Variants in AP1G1 observed in about 807,000 individuals in gnomAD.
AP1G1 encodes adaptor related protein complex 1 subunit gamma 1, also known as AP-1 complex subunit gamma-1.
In AP1G1, 7 loss-of-function variants were observed where a neutral mutation model predicts 108.3. The ratio of observed to expected loss-of-function variants is 0.06; its 90% CI spans 0.04 to 0.12. The LOEUF is 0.12. Ranked by LOEUF, AP1G1 falls within the 10% of genes least tolerant of loss-of-function variation. The probability of loss-of-function intolerance (pLI) is 1.00; values close to 1 mark genes in which losing one functional copy is unlikely to be tolerated. For missense variants in AP1G1, 756 were observed against 1,010.7 expected (o/e 0.75, Z 3.42); for synonymous variants, 379 against 353.5 (o/e 1.07, Z -0.81).
In AP1G1 at chr16:71,803,571, A is replaced by G. The variant is rs528764784; in HGVS notation, c.-4+5192T>C. Reference sequence around the variant, plus strand: ...TTTAACCAGTTTTTCCAGCAACCAAAACTCATGCCATATTAAGTGTATTGT... The same window carrying G: ...TTTAACCAGTTTTTCCAGCAACCAAGACTCATGCCATATTAAGTGTATTGT... On this transcript the variant is annotated intron_variant, in intron 1 of 22. Coordinates refer to ENST00000299980, the MANE Select transcript of AP1G1 (RefSeq NM_001128.6). 1.8e-4 allele frequency among the ~76,000 whole-genome samples: 28 copies of G among 152,258 alleles called. No homozygotes were observed. The South Asian group carries it at 5.8e-3, about 32-fold the overall frequency.
intron 13 of AP1G1, among the ~76,000 whole-genome samples, chr16:71,750,707 C>A (rs1382347984): frequency 2.6e-5 from 4 of 151,880 alleles, no homozygotes; most frequent in African/African-American, 9.7e-5. Flanking sequence ...TGTGCCACTG[C>A]GCCCAGCCAT....
intron 1 of AP1G1, among the ~76,000 whole-genome samples, chr16:71,795,159 C>G (rs2032542383): frequency 6.6e-6 from 1 of 152,038 alleles, no homozygotes; most frequent in Non-Finnish European, 1.5e-5. Flanking sequence ...ACTCACACTG[C>G]CCACTGTGCA....
intron 2 of AP1G1, among the ~76,000 whole-genome samples, chr16:71,787,850 ATAT>A (rs1002579468): frequency 6.6e-6 from 1 of 152,212 alleles, no homozygotes; most frequent in Non-Finnish European, 1.5e-5. Context: ...TTCAAAGAAC[ATAT>A]TATATTTTTA....
intron 2 of AP1G1, among the ~76,000 whole-genome samples, chr16:71,784,932 G>A (rs549942783): frequency 2.6e-4 from 38 of 148,318 alleles, no homozygotes; most frequent in Non-Finnish European, 3.1e-4. Context: ...TTTCTATGTA[G>A]CTTGTGTTTT....
intron 20 of AP1G1, 31 bp from the exon 21 acceptor site, chr16:71,739,133 G>A (rs755676125): frequency 1.2e-6 from 2 of 1,613,400 alleles, no homozygotes; most frequent in East Asian, 4.5e-5. Flanking sequence ...AAGTCTTATT[G>A]TAGTCAGCCT....
chr16:71,745,062 G>T, intron 19 of AP1G1, 82 bp downstream of exon 19: 2 of 1,489,444 alleles, frequency 1.3e-6, no homozygotes, highest in Non-Finnish European at 9.2e-7. Context: ...TGATTCACGT[G>T]CTGGAAAGTC....
Position 71,731,701 on chromosome 16 carries a change from T to C in AP1G1, c.*1357A>G, listed in dbSNP as rs2045476598. 6.6e-6 allele frequency: 1 copy of C among 152,568 alleles called. No homozygotes were observed. Among genetic ancestry groups the C allele is most frequent in the South Asian group, 2.1e-4 (1 of 4,828 alleles). 9.5% of individuals were successfully genotyped at this position (152,568 alleles called of 1,614,324 possible). On this transcript the variant is annotated 3_prime_UTR_variant, in exon 23 of 23. Transcript: ENST00000299980. ...AAAAAGCACTTGGCACTCTCACTAG[T>C]TTAAAAAGCTCAAGTCTTTGATGTG...
Position 71,732,980 on chromosome 16 carries a change from G to A in AP1G1, c.*78C>T. 3 of 1,153,982 alleles carry A rather than the reference G, an allele frequency of 2.6e-6. No homozygotes were observed. Among genetic ancestry groups the A allele is most frequent in the Admixed American group, 3.9e-5 (2 of 51,144 alleles). 71.5% of individuals were successfully genotyped at this position (1,153,982 alleles called of 1,614,324 possible). Reference sequence around the variant, plus strand: ...TCATGCCCGTGGTACAGTTGGGGGGGACTTGCCAGCAATCACAACCTCCTT... The same window carrying A: ...TCATGCCCGTGGTACAGTTGGGGGGAACTTGCCAGCAATCACAACCTCCTT... On this transcript the variant is annotated 3_prime_UTR_variant, in exon 23 of 23. Transcript: ENST00000299980.
intron 4 of AP1G1, among the ~76,000 whole-genome samples, chr16:71,771,878 C>G (rs925204541): frequency 1.3e-5 from 2 of 152,136 alleles, no homozygotes; most frequent in African/African-American, 4.8e-5. Context: ...ATGTGGCCCT[C>G]AAATGACTCT....
At chr16:71,750,970 C>T (rs879122570) in intron 13 of AP1G1, among the ~76,000 whole-genome samples, 1 of 151,356 alleles carries the variant, frequency 6.6e-6, no homozygotes, top group African/African-American at 2.4e-5. Context: ...TCCTGGCTAA[C>T]ACGATGAAAC....
intron 6 of AP1G1, among the ~76,000 whole-genome samples, chr16:71,768,917 C>CAAAAAAA (rs58725744): frequency 4.7e-5 from 2 of 42,162 alleles, no homozygotes; most frequent in Non-Finnish European, 7.8e-5. Context: ...GACTCTGTCT[C>CAAAAAAA]AAAAAAAAAA....
In AP1G1 at chr16:71,729,159, A is replaced by AT. The variant is rs201592122; in HGVS notation, c.*3898dup. On this transcript the variant is annotated 3_prime_UTR_variant, in exon 23 of 23. Coordinates refer to ENST00000299980, the MANE Select transcript of AP1G1 (RefSeq NM_001128.6). ...TCTAAGACTTATCATTTAACTTTAA[A>AT]TTTTTTTTTTTACATCTCAAAAATA... 0.46 allele frequency: 68,870 copies of AT among 150,438 alleles called. 16,116 individuals are homozygous for AT. The highest frequency in any genetic ancestry group is 0.64 in the Middle Eastern group (186 of 292). 9.3% of individuals were successfully genotyped at this position (150,438 alleles called of 1,614,324 possible). A position where few individuals can be genotyped will look rare whatever the true frequency, so the allele number is the denominator to read the frequency against.
At position 71,729,986 on chromosome 16, in the gene AP1G1, T is replaced by A. The variant is rs1244170786; in HGVS notation, c.*3072A>T. 2 of 152,534 alleles carry A rather than the reference T, an allele frequency of 1.3e-5. No homozygotes were observed. The highest frequency in any genetic ancestry group is 4.8e-5 in the African/African-American group (2 of 41,474). 9.4% of individuals were successfully genotyped at this position (152,534 alleles called of 1,614,324 possible). On this transcript the variant is annotated 3_prime_UTR_variant, in exon 23 of 23. Coordinates refer to ENST00000299980, the MANE Select transcript of AP1G1 (RefSeq NM_001128.6). ...TAAAAAAAATGGGAAGCATGTTATATAAACCATTAGTGTTGGACAGTTTTA... is the reference window on the plus strand; with the variant it reads ...TAAAAAAAATGGGAAGCATGTTATAAAAACCATTAGTGTTGGACAGTTTTA...
chr16:71,731,814 C>T lies in AP1G1; in HGVS notation c.*1244G>A, dbSNP rs1426123487. ...TACCCTATGGTGTCCGTAAGACCTC[C>T]TCTGACATAGGGGTATGGAAGCTAC... On this transcript the variant is annotated 3_prime_UTR_variant, in exon 23 of 23. Coordinates refer to ENST00000299980, the MANE Select transcript of AP1G1 (RefSeq NM_001128.6). The T allele has an allele frequency of 6.6e-6, 1 of 152,626 alleles. No homozygotes were observed. The highest frequency in any genetic ancestry group is 1.5e-5 in the Non-Finnish European group (1 of 68,028). 9.5% of individuals were successfully genotyped at this position (152,626 alleles called of 1,614,324 possible).
At chr16:71,744,511 T>C (rs1162831074) in intron 19 of AP1G1, among the ~76,000 whole-genome samples, 3 of 150,778 alleles carry the variant, frequency 2.0e-5, no homozygotes, top group Non-Finnish European at 4.4e-5. Flanking sequence ...AGTCATGTCT[T>C]GGGACACTAA....
At chr16:71,756,583 C>A (rs1015989317) in intron 11 of AP1G1, among the ~76,000 whole-genome samples, 4 of 152,054 alleles carry the variant, frequency 2.6e-5, no homozygotes, top group Non-Finnish European at 4.4e-5. Flanking sequence ...TTTATTACAC[C>A]CCACTCTGTC....
intron 1 of AP1G1, among the ~76,000 whole-genome samples, chr16:71,793,237 G>T (rs1250524875): frequency 6.6e-6 from 1 of 152,052 alleles, no homozygotes; most frequent in Admixed American, 6.6e-5. Context: ...AAAAAGTCCG[G>T]AACACAGTAA....
intron 4 of AP1G1, among the ~76,000 whole-genome samples, chr16:71,771,648 G>A (rs1054453866): frequency 1.3e-5 from 2 of 152,112 alleles, no homozygotes; most frequent in African/African-American, 4.8e-5. Flanking sequence ...AGACAAGTAG[G>A]CAAAAACTTT....
At chr16:71,746,035 G>C (rs1264701805) in intron 17 of AP1G1, among the ~76,000 whole-genome samples, 2 of 151,812 alleles carry the variant, frequency 1.3e-5, no homozygotes, top group Non-Finnish European at 2.9e-5. Context: ...TTTTGAGACA[G>C]AGTCTTGCTC....
Sources: gnomAD v4.1 joint callset for allele counts (sites outside exome capture counted in the v4.1 genomes callset) on GRCh38, gnomAD v4.1.1 for gene constraint, MANE v1.5 for transcripts, NCBI Gene and HGNC (gene_info 2026-07-23, HGNC 2026-07-21) for gene names.